NME7: variants seen among roughly 807,000 people sequenced by gnomAD.
NME7 encodes the protein NME/NM23 family member 7.
In NME7, 41 loss-of-function variants were observed where a neutral mutation model predicts 49.1. That is an observed-to-expected ratio of 0.83 (90% CI 0.65 to 1.08). NME7 has a LOEUF of 1.08. Ranked by LOEUF, NME7 falls within the 50% of genes least tolerant of loss-of-function variation. The pLI is 0.00. For missense variants in NME7, 423 were observed against 463.4 expected (o/e 0.91, Z 0.80); for synonymous variants, 139 against 150.6 (o/e 0.92, Z 0.56).
At chr1:169,363,927 C>A (rs933280319) in intron 1 of NME7, among the ~76,000 whole-genome samples, 1 of 152,190 alleles carries the variant, frequency 6.6e-6, no homozygotes, top group African/African-American at 2.4e-5. Context: ...TAATGTAAGA[C>A]AGGCAAAAAC....
chr1:169,143,939 C>G (rs912802930), intron 11 of NME7, among the ~76,000 whole-genome samples: 2 of 152,092 alleles, frequency 1.3e-5, no homozygotes, highest in South Asian at 2.1e-4. Context: ...ATTTCCCCCC[C>G]AGAATGAATA....
At chr1:169,303,120 A>G in intron 5 of NME7, 25 bp downstream of exon 5, 2 of 1,495,472 alleles carry the variant, frequency 1.3e-6, no homozygotes, top group Non-Finnish European at 1.8e-6. Flanking sequence ...TTTACATACC[A>G]CTAATCCCCA....
intron 7 of NME7, among the ~76,000 whole-genome samples, chr1:169,278,128 T>C (rs1353864871): frequency 6.6e-6 from 1 of 151,302 alleles, no homozygotes; most frequent in East Asian, 2.0e-4. Context: ...CATTTTTTCC[T>C]TCATTTCAAC....
At chr1:169,159,698 G>A (rs1429974650) in intron 11 of NME7, among the ~76,000 whole-genome samples, 1 of 152,148 alleles carries the variant, frequency 6.6e-6, no homozygotes, top group Non-Finnish European at 1.5e-5. Context: ...CAATTCCTTG[G>A]AGTCCGCAGG....
At chr1:169,346,320 G>A (rs149780720) in intron 1 of NME7, among the ~76,000 whole-genome samples, 12 of 152,208 alleles carry the variant, frequency 7.9e-5, no homozygotes, top group African/African-American at 1.7e-4. Context: ...CCAGTGATCC[G>A]TCTGACTTCA....
intron 7 of NME7, among the ~76,000 whole-genome samples, chr1:169,274,000 C>T (rs562504788): frequency 0.014 from 1,833 of 132,092 alleles, 249 homozygotes; most frequent in African/African-American, 0.039. Context: ...ATTGCTGGGT[C>T]AAATGGTATT....
At chr1:169,290,380 T>A (rs1027128668) in intron 6 of NME7, among the ~76,000 whole-genome samples, 11 of 152,262 alleles carry the variant, frequency 7.2e-5, no homozygotes, top group African/African-American at 2.6e-4. Flanking sequence ...AACCATCTGA[T>A]CTTTGACAAA....
At chr1:169,298,407 T>G (rs1650796121) in intron 6 of NME7, 149 bp downstream of exon 6, 5 of 729,622 alleles carry the variant, frequency 6.9e-6, no homozygotes, top group African/African-American at 5.3e-5. Context: ...AATCACTGTT[T>G]GATAGTAGGC....
chr1:169,272,113 C>T lies in NME7; in HGVS notation c.754+15190G>A, dbSNP rs956544363. ...CTTTGCCTTAATTAAGTTATATGAC[C>T]TAATGTTATATATCAAATATAAATA... On this transcript the variant is annotated intron_variant, in intron 7 of 11. Transcript: ENST00000367811. Among the ~76,000 whole-genome samples, 30 of 131,062 alleles carry T rather than the reference C, an allele frequency of 2.3e-4. 7 individuals are homozygous for T. Among genetic ancestry groups the T allele is most frequent in the Non-Finnish European group, 2.5e-4 (14 of 56,126 alleles). The allele number at this position is 131,062 out of a possible 152,430, so 86.0% of individuals were successfully genotyped here.
intron 7 of NME7, among the ~76,000 whole-genome samples, chr1:169,255,212 G>T (rs1049936212): frequency 7.3e-6 from 1 of 136,424 alleles, no homozygotes; most frequent in Admixed American, 7.3e-5. Flanking sequence ...TCTCTTTGTA[G>T]GTCACTCAGG....
intron 7 of NME7, among the ~76,000 whole-genome samples, chr1:169,270,312 T>C (rs1649449871): frequency 7.5e-6 from 1 of 133,756 alleles, no homozygotes; most frequent in African/African-American, 2.5e-5. Context: ...TGTTTCTCCA[T>C]TACAAGTATA....
chr1:169,306,841 C>A (rs1208278422), intron 4 of NME7, among the ~76,000 whole-genome samples: 2 of 152,082 alleles, frequency 1.3e-5, no homozygotes, highest in South Asian at 2.1e-4. Flanking sequence ...AAAGCGAGAC[C>A]ACGTTTTTTA....
rs77280637 is a variant in NME7 at position 169,132,796 on chromosome 1, A to G, written c.1120T>C (p.Leu374=). The G allele has an allele frequency of 2.0e-5, 32 of 1,613,306 alleles. No homozygotes were observed. The highest frequency in any genetic ancestry group is 2.5e-5 in the Non-Finnish European group (30 of 1,179,750). Residue 374 remains leucine, a synonymous_variant, in exon 12 of 12, where the codon TTG becomes CTG. Transcript: ENST00000367811. ...LLEVQYFFKI[L]DN is the part of the protein sequence containing the mutation. ...TACTTTCCACACCACTAATTATCCA[A>G]GATCTTGAAGAAGTATTGAACCTGA... is the stretch of plus-strand genomic sequence containing the variant.
intron 10 of NME7, among the ~76,000 whole-genome samples, chr1:169,221,354 G>T (rs1661136459): frequency 6.6e-6 from 1 of 152,156 alleles, no homozygotes; most frequent in East Asian, 1.9e-4. Context: ...TAGAGTAAAA[G>T]CTAAAGTCAT....
At chr1:169,218,214 TTA>T (rs1374095125) in intron 10 of NME7, among the ~76,000 whole-genome samples, 3 of 152,188 alleles carry the variant, frequency 2.0e-5, no homozygotes, top group African/African-American at 4.8e-5. Flanking sequence ...GTAGTACAAC[TTA>T]TTCCCCTAGA....
intron 11 of NME7, among the ~76,000 whole-genome samples, chr1:169,153,728 C>T (rs548167396): frequency 6.6e-5 from 10 of 151,944 alleles, no homozygotes; most frequent in Non-Finnish European, 8.8e-5. Context: ...GACAAAGTTT[C>T]GTTCTGTCAC....
chr1:169,143,709 G>C (rs998705078), intron 11 of NME7, among the ~76,000 whole-genome samples: 5 of 152,094 alleles, frequency 3.3e-5, no homozygotes, highest in Admixed American at 1.3e-4. Flanking sequence ...ATGAATTTAC[G>C]GTTTAGTTTT....
At chr1:169,289,647 ATT>A (rs1421631373) in intron 6 of NME7, among the ~76,000 whole-genome samples, 3 of 152,112 alleles carry the variant, frequency 2.0e-5, no homozygotes, top group Non-Finnish European at 4.4e-5. Flanking sequence ...TTGACCAATT[ATT>A]TTTGTCTCAA....
chr1:169,252,545 T>C (rs1648678875), intron 7 of NME7, among the ~76,000 whole-genome samples: 1 of 152,174 alleles, frequency 6.6e-6, no homozygotes, highest in African/African-American at 2.4e-5. Flanking sequence ...TCTTTTGCTG[T>C]GCAGAAGCTC....
Sources: allele counts gnomAD v4.1 joint callset (sites outside exome capture counted in the v4.1 genomes callset), GRCh38; gene constraint gnomAD v4.1.1; transcripts MANE v1.5; gene names NCBI Gene and HGNC (gene_info 2026-07-23, HGNC 2026-07-21).